The following NGLY1 variants were observed in gnomAD, a reference collection of about 807,000 sequenced individuals.
The protein encoded by NGLY1 is peptide-N(4)-(N-acetyl-beta-glucosaminyl)asparagine amidase.
NGLY1 carries 68 observed loss-of-function variants against 84.6 expected under a neutral mutation model. That is an observed-to-expected ratio of 0.80 (90% CI 0.66 to 0.98). The LOEUF (loss-of-function observed/expected upper bound fraction) is 0.98. Among genes scored for constraint, NGLY1 ranks in the 50% least tolerant of loss-of-function variants. The pLI is 0.00. For synonymous variants in NGLY1, 280 were observed against 275.2 expected (o/e 1.02, Z -0.17); for missense variants, 779 against 770.2 (o/e 1.01, Z -0.14).
At chr3:25,737,291 C>G (rs770684519) in intron 6 of NGLY1, 43 bp downstream of exon 6, 1 of 1,508,312 alleles carries the variant, frequency 6.6e-7, no homozygotes, top group Admixed American at 2.3e-5. Context: ...AACCTGCAAG[C>G]CTGCAAAGCC....
intron 3 of NGLY1, among the ~76,000 whole-genome samples, chr3:25,762,330 T>C (rs1425976106): frequency 1.3e-5 from 2 of 152,178 alleles, no homozygotes; most frequent in Non-Finnish European, 2.9e-5. Flanking sequence ...CAACTAATGA[T>C]GAAAGCATAA....
intron 2 of NGLY1, among the ~76,000 whole-genome samples, chr3:25,773,428 G>A (rs945695685): frequency 3.9e-5 from 6 of 152,178 alleles, no homozygotes; most frequent in East Asian, 1.9e-4. Context: ...GAAACTTTCC[G>A]ATGCATTCTG....
At chr3:25,769,389 G>C (rs888367025) in intron 2 of NGLY1, among the ~76,000 whole-genome samples, 2 of 151,988 alleles carry the variant, frequency 1.3e-5, no homozygotes, top group Admixed American at 6.6e-5. Context: ...ATAAAAATGA[G>C]CAAAAGATCT....
rs1303520463 is a variant in NGLY1 at position 25,735,970 on chromosome 3, T to C, written c.1149+34A>G. The C allele has an allele frequency of 6.5e-7, 1 of 1,543,358 alleles. No individual in the cohort carries two copies. Among genetic ancestry groups the C allele is most frequent in the Non-Finnish European group, 8.8e-7 (1 of 1,141,782 alleles). ...CATAAAAGAAAAAAATATATTTTAC[T>C]TTTGGAAAAAAGTTTTTTTCTTTTA... On this transcript the variant is annotated intron_variant, in intron 7 of 11. Transcript: ENST00000280700.
rs78333153 is a variant in NGLY1 at position 25,724,636 on chromosome 3, T to C, written c.1612-4445A>G. Among the ~76,000 whole-genome samples the C allele has an allele frequency of 4.1e-3, 626 of 152,208 alleles. 4 individuals are homozygous for C. Among genetic ancestry groups the C allele is most frequent in the African/African-American group, 0.015 (604 of 41,518 alleles). ...ACCTGACAATTATTTACCTCTCTAG[T>C]CTCATTTCTCACTATTCTCCTCCAT... is the stretch of plus-strand genomic sequence containing the variant. On this transcript the variant is annotated intron_variant, in intron 10 of 11. Coordinates refer to ENST00000280700, the MANE Select transcript of NGLY1 (RefSeq NM_018297.4).
At chr3:25,730,940 TC>T in intron 9 of NGLY1, among the ~76,000 whole-genome samples, 1 of 152,116 alleles carries the variant, frequency 6.6e-6, no homozygotes, top group Non-Finnish European at 1.5e-5. Context: ...CAACTTTAGC[TC>T]CCTAAGGGCA....
In NGLY1 at chr3:25,751,130, T is replaced by C. The variant is rs1706725084; in HGVS notation, c.626A>G (p.Glu209Gly). The C allele has an allele frequency of 9.3e-6, 15 of 1,613,232 alleles. No homozygotes were observed. Among genetic ancestry groups the C allele is most frequent in the African/African-American group, 1.3e-5 (1 of 74,898 alleles). ...PVQELKRKSQ[E>G]KLSRARKLDK... is the part of the protein sequence containing the mutation. ...CAATTTTCTAGCTCTCGATAACTTT[T>C]CTTGTGATTTCCTTTTTAGTTCTTG... The change falls in exon 4 of 12, where the codon GAA becomes GGA. Residue 209 changes from glutamate (E) to glycine (G), a missense_variant. By Grantham distance (98) the Glu-to-Gly change is moderately conservative. Transcript: ENST00000280700.
In NGLY1 at chr3:25,719,507, G is replaced by A. The variant is rs529998714; in HGVS notation, c.1918C>T (p.His640Tyr). Residue 640 changes from histidine (H) to tyrosine (Y), a missense_variant, in exon 12 of 12, where the codon CAT (histidine) becomes TAT (tyrosine). His to Tyr is a moderately conservative substitution (Grantham distance 83). Transcript: ENST00000280700. ...TQLFRQSLNDHEENCLEIIIK... is the reference protein window; with the variant it reads ...TQLFRQSLNDYEENCLEIIIK... Reference sequence around the variant, plus strand: ...ATTATCTCCAAACAATTTTCTTCATGGTCATTTAAGCTTTGTCTAAACAGC... The same window carrying A: ...ATTATCTCCAAACAATTTTCTTCATAGTCATTTAAGCTTTGTCTAAACAGC... 4.0e-5 allele frequency: 65 copies of A among 1,613,808 alleles called. No individual in the cohort carries two copies. The South Asian group carries it at 6.9e-4, about 17-fold the overall frequency.
upstream of NGLY1, among the ~76,000 whole-genome samples, chr3:25,785,281 C>T (rs919310685): frequency 1.3e-5 from 2 of 150,024 alleles, no homozygotes; most frequent in African/African-American, 2.5e-5. Flanking sequence ...GCCAGATTTA[C>T]AAAAAATAAA....
intron 9 of NGLY1, among the ~76,000 whole-genome samples, chr3:25,730,994 T>C (rs1324350142): frequency 6.6e-6 from 1 of 152,116 alleles, no homozygotes; most frequent in African/African-American, 2.4e-5. Flanking sequence ...TTACAAAGCC[T>C]AGCACACTGA....
At chr3:25,726,449 T>C (rs961048905) in intron 10 of NGLY1, among the ~76,000 whole-genome samples, 1 of 152,230 alleles carries the variant, frequency 6.6e-6, no homozygotes, top group Non-Finnish European at 1.5e-5. Flanking sequence ...TATGGTACAA[T>C]GAATCTATAA....
intron 1 of NGLY1, chr3:25,782,770 T>G (rs956321120): frequency 6.5e-6 from 1 of 154,790 alleles, no homozygotes; most frequent in Admixed American, 6.5e-5. Context: ...AGTACTCGGA[T>G]AGTCTCAACA....
At chr3:25,772,662 G>C (rs1172486690) in intron 2 of NGLY1, among the ~76,000 whole-genome samples, 1 of 151,394 alleles carries the variant, frequency 6.6e-6, no homozygotes, top group Non-Finnish European at 1.5e-5. Flanking sequence ...TACTATTCTA[G>C]TGATCATGCT....
intron 3 of NGLY1, chr3:25,755,411 C>G: frequency 6.9e-7 from 1 of 1,443,026 alleles, no homozygotes; most frequent in Non-Finnish European, 9.8e-7. Context: ...AGTGACCCCA[C>G]AAACAGTGTC....
chr3:25,768,695 G>A (rs1034356886), intron 2 of NGLY1, among the ~76,000 whole-genome samples: 8 of 149,110 alleles, frequency 5.4e-5, no homozygotes, highest in African/African-American at 1.5e-4. Flanking sequence ...ACAGGCGCCC[G>A]CCACCACGCC....
Position 25,783,235 on chromosome 3 carries a change from G to C in NGLY1, c.131+25C>G. ...CCGCGGCCCACCCACCCCGGTACCC[G>C]CCGTCCGACCCCGTTGCCCTGCACC... On this transcript the variant is annotated intron_variant, in intron 1 of 11. Coordinates refer to ENST00000280700, the MANE Select transcript of NGLY1 (RefSeq NM_018297.4). The surrounding 1 kb of genome is among the most constrained non-coding windows in gnomAD (Gnocchi z 4.5). The C allele has an allele frequency of 9.4e-4, 844 of 899,724 alleles. No homozygotes were observed. Among genetic ancestry groups the C allele is most frequent in the Non-Finnish European group, 1.3e-3 (766 of 574,300 alleles). The allele number at this position is 899,724 out of a possible 1,614,324, so 55.7% of individuals were successfully genotyped here. A position where few individuals can be genotyped will look rare whatever the true frequency, so the allele number is the denominator to read the frequency against.
At chr3:25,741,887 G>C (rs1706166548) in intron 4 of NGLY1, among the ~76,000 whole-genome samples, 1 of 152,036 alleles carries the variant, frequency 6.6e-6, no homozygotes, top group South Asian at 2.1e-4. Context: ...TGTAATCCCA[G>C]CTACTCAGGA....
chr3:25,750,663 GA>G (rs1304109823), intron 4 of NGLY1, among the ~76,000 whole-genome samples: 2 of 150,936 alleles, frequency 1.3e-5, no homozygotes, highest in African/African-American at 2.4e-5. Context: ...TTAAAAAATT[GA>G]AAAAAAAGGT....
chr3:25,738,924 G>T (rs1476261970), intron 5 of NGLY1, among the ~76,000 whole-genome samples: 4 of 152,042 alleles, frequency 2.6e-5, no homozygotes, highest in Admixed American at 1.3e-4. Flanking sequence ...ATAAATTAAA[G>T]AATGGAAATT....
Sources: gnomAD v4.1 joint callset for allele counts (sites outside exome capture counted in the v4.1 genomes callset) on GRCh38, gnomAD v4.1.1 for gene constraint, Gnocchi (gnomAD v3.1) non-coding constraint, MANE v1.5 for transcripts, NCBI Gene and HGNC (gene_info 2026-07-23, HGNC 2026-07-21) for gene names.